GPAT3: variants seen among roughly 807,000 people sequenced by gnomAD.
The protein encoded by GPAT3 is 1-AGP acyltransferase 9.
In GPAT3, 53 loss-of-function variants were observed where a neutral mutation model predicts 58.8. The observed-to-expected ratio is 0.90, with a 90% CI of 0.72 to 1.13. The LOEUF is 1.13. Among genes scored for constraint, GPAT3 ranks in the 50% most tolerant of loss-of-function variants. The pLI is 0.00. For missense variants in GPAT3, 511 were observed against 527.6 expected, an observed-to-expected ratio of 0.97 and a Z score of 0.31; for synonymous variants, 197 against 187.4, an observed-to-expected ratio of 1.05 and a Z score of -0.42.
At chr4:83,602,100 C>CGG (rs1282452847) in intron 11 of GPAT3, among the ~76,000 whole-genome samples, 1 of 152,206 alleles carries the variant, frequency 6.6e-6, no homozygotes, top group East Asian at 1.9e-4. Flanking sequence ...TGTCCTATAA[C>CGG]CCATGGTCAT....
intron 2 of GPAT3, among the ~76,000 whole-genome samples, chr4:83,576,519 T>C (rs564563072): frequency 1.3e-5 from 2 of 151,968 alleles, no homozygotes; most frequent in African/African-American, 4.8e-5. Context: ...TCTTGGCTCA[T>C]TGTAACCTCT....
At chr4:83,545,531 G>A (rs1196620908) in intron 2 of GPAT3, among the ~76,000 whole-genome samples, 2 of 151,900 alleles carry the variant, frequency 1.3e-5, no homozygotes, top group African/African-American at 4.8e-5. Flanking sequence ...TGTAGAAATT[G>A]TATTCTATAG....
chr4:83,538,632 G>T (rs755173869), intron 1 of GPAT3, among the ~76,000 whole-genome samples: 1 of 152,158 alleles, frequency 6.6e-6, no homozygotes, highest in African/African-American at 2.4e-5. Flanking sequence ...GTAACTCAAG[G>T]TCAGCTAAGG....
At chr4:83,562,209 TATTATATATATATATA>T (rs1473127850) in intron 2 of GPAT3, among the ~76,000 whole-genome samples, 3 of 34,038 alleles carry the variant, frequency 8.8e-5, no homozygotes, top group African/African-American at 6.8e-4. Context: ...AATATATATA[TATTATATATATATATA>T]ATATATATAT....
chr4:83,555,373 G>A (rs1266315063), intron 2 of GPAT3, among the ~76,000 whole-genome samples: 2 of 152,048 alleles, frequency 1.3e-5, no homozygotes, highest in Non-Finnish European at 2.9e-5. Context: ...GCTCCCCAAA[G>A]GGCAATGATT....
At chr4:83,604,639 C>T in intron 11 of GPAT3, 29 bp from the exon 12 acceptor site, 1 of 1,569,758 alleles carries the variant, frequency 6.4e-7, no homozygotes, top group Non-Finnish European at 8.8e-7. Context: ...TGTAAAGTAT[C>T]TTTTATGTAT....
In GPAT3 at chr4:83,544,501, G is replaced by C. The variant is rs74923035; in HGVS notation, c.142-35G>C. ...GAAGTGTTTTATGTTGTGTCTGTGGGACAGTTTAAATTAATATTTCTTGTT... is the reference window on the plus strand; with the variant it reads ...GAAGTGTTTTATGTTGTGTCTGTGGCACAGTTTAAATTAATATTTCTTGTT... On this transcript the variant is annotated intron_variant, in intron 1 of 11. Transcript: ENST00000264409. 1,071 of 1,592,352 alleles carry C rather than the reference G, an allele frequency of 6.7e-4. 5 individuals carry two copies. The African/African-American group carries it at 0.013, about 19-fold the overall frequency.
Position 83,545,056 on chromosome 4 carries a change from G to A in GPAT3, c.208+454G>A, listed in dbSNP as rs140501812. On this transcript the variant is annotated intron_variant, in intron 2 of 11. Transcript: ENST00000264409. ...ACATGAAATAAAAAATAATTTTCTC[G>A]TGAAATAAGTTTAGGAATCATCACA... Among the ~76,000 whole-genome samples the A allele has an allele frequency of 4.0e-4, 61 of 152,228 alleles. No homozygotes were observed. In the East Asian group the frequency reaches 8.9e-3, roughly 22 times the overall value.
chr4:83,604,846 G>A lies in GPAT3; in HGVS notation c.*79G>A, dbSNP rs1422551274. On this transcript the variant is annotated 3_prime_UTR_variant, in exon 12 of 12. Coordinates refer to ENST00000264409, the MANE Select transcript of GPAT3 (RefSeq NM_032717.5). ...TTTTTTTGTTTTGTTTTGTTTTATTGTTTTGTTTTTATTATTGTTAATCTT... is the reference window on the plus strand; with the variant it reads ...TTTTTTTGTTTTGTTTTGTTTTATTATTTTGTTTTTATTATTGTTAATCTT... The A allele has an allele frequency of 8.5e-7, 1 of 1,174,592 alleles. No individual in the cohort carries two copies. Among genetic ancestry groups the A allele is most frequent in the Non-Finnish European group, 1.2e-6 (1 of 823,872 alleles). The allele number at this position is 1,174,592 out of a possible 1,614,324, so 72.8% of individuals were successfully genotyped here.
intron 8 of GPAT3, 35 bp downstream of exon 8, chr4:83,596,948 TAAC>T: frequency 6.4e-7 from 1 of 1,571,334 alleles, no homozygotes; most frequent in Non-Finnish European, 8.7e-7. Context: ...CTATAGTTGA[TAAC>T]AACAAACCAT....
intron 8 of GPAT3, 27 bp from the exon 9 acceptor site, chr4:83,597,403 C>A (rs1393756660): frequency 4.7e-6 from 6 of 1,265,506 alleles, no homozygotes; most frequent in South Asian, 2.0e-5. Context: ...TAAAAATATT[C>A]ACGCTCCTAC....
At chr4:83,592,635 A>G (rs374559046) in intron 6 of GPAT3, among the ~76,000 whole-genome samples, 2 of 152,288 alleles carry the variant, frequency 1.3e-5, no homozygotes, top group East Asian at 3.9e-4. Flanking sequence ...CTCTAGACAA[A>G]GACCTCTACT....
chr4:83,584,781 C>T (rs1442217845), intron 3 of GPAT3, among the ~76,000 whole-genome samples: 1 of 152,216 alleles, frequency 6.6e-6, no homozygotes, highest in Middle Eastern at 3.2e-3. Flanking sequence ...GCTGGGATTA[C>T]AGGCGTGAGC....
At chr4:83,583,160 G>A (rs1390056633) in intron 3 of GPAT3, among the ~76,000 whole-genome samples, 2 of 152,050 alleles carry the variant, frequency 1.3e-5, no homozygotes, top group Non-Finnish European at 2.9e-5. Context: ...ACTGGGCGTG[G>A]TGGAGCACAC....
At chr4:83,578,824 AGAG>A (rs1328445549) in intron 2 of GPAT3, among the ~76,000 whole-genome samples, 1 of 151,646 alleles carries the variant, frequency 6.6e-6, no homozygotes, top group Admixed American at 6.6e-5. Context: ...CTTCTGAAAA[AGAG>A]AACCTAATAA....
At position 83,550,625 on chromosome 4, in the gene GPAT3, A is replaced by G. The variant is rs532090345; in HGVS notation, c.208+6023A>G. On this transcript the variant is annotated intron_variant, in intron 2 of 11. Transcript: ENST00000264409. ...GACTTTTTCAAATAACCACAATGCT[A>G]TTATCCCTTTAGCAAACAATAATTT... Among the ~76,000 whole-genome samples the G allele has an allele frequency of 6.2e-4, 95 of 152,216 alleles. 1 individual carries two copies. Among genetic ancestry groups the G allele is most frequent in the Non-Finnish European group, 1.0e-3 (69 of 68,038 alleles).
intron 3 of GPAT3, 52 bp from the exon 4 acceptor site, chr4:83,587,203 A>G: frequency 6.8e-7 from 1 of 1,464,002 alleles, no homozygotes; most frequent in East Asian, 2.3e-5. Flanking sequence ...CTTTTTGGTT[A>G]CTTCCATGCT....
chr4:83,566,228 G>T (rs890873720), intron 2 of GPAT3, among the ~76,000 whole-genome samples: 1 of 151,934 alleles, frequency 6.6e-6, no homozygotes, highest in African/African-American at 2.4e-5. Context: ...TTGTAGAGAC[G>T]GCATTTCACC....
chr4:83,575,889 A>T (rs1310241572), intron 2 of GPAT3, among the ~76,000 whole-genome samples: 2 of 152,208 alleles, frequency 1.3e-5, no homozygotes, highest in African/African-American at 4.8e-5. Flanking sequence ...ACCTCATTTA[A>T]TAAATACAAC....
Sources: allele counts gnomAD v4.1 joint callset (sites outside exome capture counted in the v4.1 genomes callset), GRCh38; gene constraint gnomAD v4.1.1; transcripts MANE v1.5; gene names NCBI Gene and HGNC (gene_info 2026-07-23, HGNC 2026-07-21).